Variants in FAF1 observed in about 807,000 individuals in gnomAD.
FAF1 encodes the protein FAS-associated factor 1.
Under a neutral mutation model 92.5 loss-of-function variants are expected in FAF1, and 25 were observed. The ratio of observed to expected loss-of-function variants is 0.27; its 90% CI spans 0.20 to 0.38. The LOEUF (loss-of-function observed/expected upper bound fraction) is 0.38, where lower values mean the gene tolerates loss of function less well. Ranked by LOEUF, FAF1 falls within the 10% of genes least tolerant of loss-of-function variation. The pLI, the probability that FAF1 is intolerant of heterozygous loss-of-function variation, is 1.00. For missense variants in FAF1, 636 were observed against 793.3 expected (o/e 0.80, Z 2.38); for synonymous variants, 234 against 273.2 (o/e 0.86, Z 1.42).
chr1:50,893,542 C>A (rs948040901), intron 1 of FAF1, among the ~76,000 whole-genome samples: 17 of 149,760 alleles, frequency 1.1e-4, no homozygotes, highest in African/African-American at 4.1e-4. Flanking sequence ...AATGGAGACT[C>A]TCTCTCTCTC....
intron 8 of FAF1, among the ~76,000 whole-genome samples, chr1:50,624,163 T>C (rs539845083): frequency 6.6e-6 from 1 of 152,238 alleles, no homozygotes; most frequent in South Asian, 2.1e-4. Flanking sequence ...GAACTTTTTT[T>C]TTCAGATGCA....
At chr1:50,672,019 C>CTTTTT in intron 7 of FAF1, among the ~76,000 whole-genome samples, 1 of 138,116 alleles carries the variant, frequency 7.2e-6, no homozygotes, top group Non-Finnish European at 1.6e-5. Flanking sequence ...GGTGGTCTTT[C>CTTTTT]TTTTTTTTTT....
At position 50,475,588 on chromosome 1, in the gene FAF1, C is replaced by A. The variant is rs1646629044; in HGVS notation, c.1745G>T (p.Ser582Ile). ...PVSKLRIRTPSGEFLERRFLA... is the reference protein window; with the variant it reads ...PVSKLRIRTPIGEFLERRFLA... ...GAAACGCCGCTCCAAGAACTCGCCA[C>A]TGGGGGTCCGGATCCGCAGTTTGCT... is the stretch of plus-strand genomic sequence containing the variant. Residue 582 changes from serine to isoleucine, a missense_variant, in exon 18 of 19, where the codon AGT becomes ATT. By Grantham distance (142) the Ser-to-Ile change is moderately radical. Transcript: ENST00000396153. 1.9e-6 allele frequency: 3 copies of A among 1,614,126 alleles called. No homozygotes were observed. Among genetic ancestry groups the A allele is most frequent in the African/African-American group, 1.3e-5 (1 of 75,026 alleles).
At chr1:50,710,466 T>TC (rs1657873698) in intron 6 of FAF1, among the ~76,000 whole-genome samples, 1 of 152,214 alleles carries the variant, frequency 6.6e-6, no homozygotes, top group African/African-American at 2.4e-5. Context: ...ATTCTTTTTT[T>TC]CCCCATTCAT....
intron 15 of FAF1, among the ~76,000 whole-genome samples, chr1:50,492,241 T>C (rs1289622424): frequency 6.6e-6 from 1 of 152,140 alleles, no homozygotes; most frequent in Non-Finnish European, 1.5e-5. Context: ...GTATTGGAAC[T>C]AAGGACTGGG....
At chr1:50,490,192 T>A (rs1045964461) in intron 17 of FAF1, among the ~76,000 whole-genome samples, 2 of 152,040 alleles carry the variant, frequency 1.3e-5, no homozygotes, top group Non-Finnish European at 2.9e-5. Context: ...AAACCCTGTC[T>A]CTACTAAAAA....
intron 13 of FAF1, among the ~76,000 whole-genome samples, chr1:50,540,267 C>A (rs1266614673): frequency 1.3e-5 from 2 of 152,058 alleles, no homozygotes; most frequent in African/African-American, 4.8e-5. Context: ...CCACTGCACC[C>A]GGCAGGATTC....
intron 1 of FAF1, among the ~76,000 whole-genome samples, chr1:50,889,728 G>C (rs896266305): frequency 6.6e-6 from 1 of 152,228 alleles, no homozygotes; most frequent in Non-Finnish European, 1.5e-5. Flanking sequence ...TGGTCTGAGA[G>C]ACAGTTTGTT....
intron 4 of FAF1, among the ~76,000 whole-genome samples, chr1:50,779,682 A>C (rs1661091374): frequency 3.9e-5 from 6 of 152,008 alleles, no homozygotes; most frequent in Admixed American, 2.6e-4. Flanking sequence ...GGTGGAGGGA[A>C]GTAAAAGAGT....
intron 1 of FAF1, among the ~76,000 whole-genome samples, chr1:50,920,890 T>C (rs1644957065): frequency 6.6e-6 from 1 of 152,308 alleles, no homozygotes; most frequent in Non-Finnish European, 1.5e-5. Context: ...TCACCACTTC[T>C]ATTCAACCTC....
chr1:50,439,426 T>C lies in FAF1; in HGVS notation c.*2014A>G, dbSNP rs1444387840. 1.3e-5 allele frequency: 2 copies of C among 152,190 alleles called. No individual in the cohort carries two copies. The highest frequency in any genetic ancestry group is 2.9e-5 in the Non-Finnish European group (2 of 68,012). The allele number at this position is 152,190 out of a possible 1,614,324, so 9.4% of individuals were successfully genotyped here. On this transcript the variant is annotated 3_prime_UTR_variant, in exon 19 of 19. Coordinates refer to ENST00000396153, the MANE Select transcript of FAF1 (RefSeq NM_007051.3). The stretch of plus-strand genomic sequence containing the variant: ...TTCTAAGGCAGGTTGAAAAAGGTTG[T>C]ATCAACTTCACACACATTCAAGTAG...
intron 6 of FAF1, among the ~76,000 whole-genome samples, chr1:50,713,472 C>T (rs141282082): frequency 0.054 from 8,192 of 152,106 alleles, 296 homozygotes; most frequent in African/African-American, 0.096. Flanking sequence ...CGGTGTTTCA[C>T]TATGTTGGCC....
At chr1:50,922,095 A>AG (rs1270922224) in intron 1 of FAF1, among the ~76,000 whole-genome samples, 2 of 151,394 alleles carry the variant, frequency 1.3e-5, no homozygotes, top group African/African-American at 4.9e-5. Flanking sequence ...AGAACCCGGG[A>AG]GGCAGAGGTT....
chr1:50,752,341 C>T (rs2124512179), intron 4 of FAF1, among the ~76,000 whole-genome samples: 1 of 152,240 alleles, frequency 6.6e-6, no homozygotes, highest in African/African-American at 2.4e-5. Flanking sequence ...AAATTTTTTA[C>T]TTCTGTGAAT....
intron 9 of FAF1, among the ~76,000 whole-genome samples, chr1:50,587,585 T>C (rs1651293546): frequency 6.6e-6 from 1 of 152,232 alleles, no homozygotes; most frequent in South Asian, 2.1e-4. Flanking sequence ...CCTAAAATTC[T>C]TTAAATCCAG....
intron 3 of FAF1, among the ~76,000 whole-genome samples, chr1:50,789,442 T>C (rs1465450059): frequency 1.3e-5 from 2 of 152,330 alleles, no homozygotes; most frequent in South Asian, 2.1e-4. Context: ...TTACTCCTAG[T>C]ATCAACTCAA....
chr1:50,604,925 T>C (rs1043318821), intron 8 of FAF1, among the ~76,000 whole-genome samples: 2 of 152,206 alleles, frequency 1.3e-5, no homozygotes, highest in Non-Finnish European at 2.9e-5. Flanking sequence ...TTTGGAAATA[T>C]ATATAGTAAT....
intron 6 of FAF1, among the ~76,000 whole-genome samples, chr1:50,713,626 C>T (rs994605377): frequency 2.4e-4 from 37 of 152,056 alleles, no homozygotes; most frequent in African/African-American, 8.0e-4. Context: ...TATAAGCAAA[C>T]GTAGAACCTT....
At chr1:50,452,685 T>C (rs889313645) in intron 18 of FAF1, among the ~76,000 whole-genome samples, 11 of 152,208 alleles carry the variant, frequency 7.2e-5, no homozygotes, top group African/African-American at 2.7e-4. Flanking sequence ...TTTAGAACTG[T>C]TAAGTTAGCT....
Sources: gnomAD v4.1 joint callset for allele counts (sites outside exome capture counted in the v4.1 genomes callset) on GRCh38, gnomAD v4.1.1 for gene constraint, MANE v1.5 for transcripts, NCBI Gene and HGNC (gene_info 2026-07-23, HGNC 2026-07-21) for gene names.